Variants in ORC2 observed in about 807,000 individuals in gnomAD.
ORC2 encodes origin recognition complex protein 2 homolog.
ORC2 carries 37 observed loss-of-function variants against 77.7 expected under a neutral mutation model. That is an observed-to-expected ratio of 0.48 (90% confidence interval 0.37 to 0.63). ORC2 has a LOEUF of 0.63. Ranked by LOEUF, ORC2 falls within the 20% of genes least tolerant of loss-of-function variation. The pLI, the probability that ORC2 is intolerant of heterozygous loss-of-function variation, is 0.00. For synonymous variants in ORC2, 201 were observed against 229.5 expected (o/e 0.88, Z 1.12); for missense variants, 557 against 661.9 (o/e 0.84, Z 1.74).
intron 4 of ORC2, among the ~76,000 whole-genome samples, chr2:200,951,343 T>C (rs1022441491): frequency 2.0e-5 from 3 of 152,246 alleles, no homozygotes; most frequent in Non-Finnish European, 4.4e-5. Flanking sequence ...CTGCAGGTTT[T>C]TGTGTGGACA....
chr2:200,954,158 G>A (rs1293131237), intron 4 of ORC2, among the ~76,000 whole-genome samples: 3 of 151,498 alleles, frequency 2.0e-5, no homozygotes, highest in Non-Finnish European at 4.4e-5. Flanking sequence ...TCAGCCTCCC[G>A]AGTAGCTGAG....
At chr2:200,923,877 T>C (rs930438327) in intron 13 of ORC2, among the ~76,000 whole-genome samples, 2 of 152,206 alleles carry the variant, frequency 1.3e-5, no homozygotes, top group Non-Finnish European at 2.9e-5. Flanking sequence ...GCTTAGAATA[T>C]GTACATTGGG....
intron 15 of ORC2, among the ~76,000 whole-genome samples, chr2:200,919,900 T>G (rs1407205478): frequency 6.6e-6 from 1 of 152,178 alleles, no homozygotes; most frequent in Non-Finnish European, 1.5e-5. Context: ...ATCAGAATGT[T>G]CAATATGTAA....
intron 6 of ORC2, among the ~76,000 whole-genome samples, chr2:200,941,714 C>T (rs938065844): frequency 1.3e-5 from 2 of 150,528 alleles, no homozygotes; most frequent in Admixed American, 6.6e-5. Context: ...TGTCCAGGAG[C>T]GGTGGCTCAC....
intron 6 of ORC2, among the ~76,000 whole-genome samples, chr2:200,941,715 G>A (rs16836131): frequency 6.6e-6 from 1 of 152,136 alleles, no homozygotes; most frequent in South Asian, 2.1e-4. Context: ...GTCCAGGAGC[G>A]GTGGCTCACG....
At chr2:200,950,352 AT>A (rs1166591750) in intron 4 of ORC2, among the ~76,000 whole-genome samples, 1 of 152,078 alleles carries the variant, frequency 6.6e-6, no homozygotes, top group Admixed American at 6.6e-5. Context: ...TTCTTCACAG[AT>A]CCTGACTTAA....
intron 1 of ORC2, among the ~76,000 whole-genome samples, chr2:200,961,823 G>C (rs978875521): frequency 6.6e-6 from 1 of 152,152 alleles, no homozygotes. Context: ...TGAATTTTTG[G>C]CTCTGAGCTT....
intron 5 of ORC2, among the ~76,000 whole-genome samples, chr2:200,949,235 C>A: frequency 6.7e-6 from 1 of 148,348 alleles, no homozygotes; most frequent in Non-Finnish European, 1.5e-5. Flanking sequence ...AGTGAGACTC[C>A]ACCTTTAAAA....
chr2:200,925,240 T>C (rs1268366449), intron 13 of ORC2, among the ~76,000 whole-genome samples: 1 of 152,090 alleles, frequency 6.6e-6, no homozygotes, highest in Non-Finnish European at 1.5e-5. Context: ...GGCAGGAGAA[T>C]TGCTTGAACC....
At chr2:200,949,695 G>A in intron 4 of ORC2, 52 bp from the exon 5 acceptor site, 1 of 1,101,384 alleles carries the variant, frequency 9.1e-7, no homozygotes, top group African/African-American at 1.6e-5. Flanking sequence ...AAAATTAACA[G>A]AAAAAAATTT....
chr2:200,953,411 G>GTT (rs774446171), intron 4 of ORC2, among the ~76,000 whole-genome samples: 7 of 121,328 alleles, frequency 5.8e-5, no homozygotes, highest in South Asian at 2.3e-4. Context: ...AAGGGCTACT[G>GTT]TTTTTTTTTT....
chr2:200,945,326 T>G (rs988892484), intron 5 of ORC2, among the ~76,000 whole-genome samples: 5 of 152,072 alleles, frequency 3.3e-5, no homozygotes, highest in African/African-American at 1.2e-4. Flanking sequence ...GAGACCGAGG[T>G]GGGTGGATCA....
At chr2:200,958,643 C>G (rs2041516473) in intron 2 of ORC2, among the ~76,000 whole-genome samples, 1 of 152,214 alleles carries the variant, frequency 6.6e-6, no homozygotes, top group African/African-American at 2.4e-5. Context: ...AAGCACCTCC[C>G]TTTACTTTTA....
In ORC2 at chr2:200,913,412, G is replaced by T; in HGVS notation, c.1530C>A (p.Gly510=). Residue 510 remains glycine, a splice_region_variant and synonymous_variant, in exon 17 of 18, where the codon GGC becomes GGA. Transcript: ENST00000234296. ...GCTGGTAAAAATCTTGAAAAGAAAG[G>T]CCTGGCAAGTTCAAAAGGATATGAA... is the stretch of plus-strand genomic sequence containing the variant. The part of the protein sequence containing the change: ...LDNQDNPSYI[G]LSFQDFYQQC... The T allele has an allele frequency of 6.3e-7, 1 of 1,584,120 alleles. No homozygotes were observed. Among genetic ancestry groups the T allele is most frequent in the South Asian group, 1.1e-5 (1 of 90,420 alleles).
rs1241153490 is a variant in ORC2, at chr2:200,953,405, GCTA to G, written c.239-3765_239-3763del. Reference sequence around the variant, plus strand: ...CCACCGCCTCATATCCATTAAAAGGGCTACTGTTTTTTTTTTTTTTTAAAAAAG... The same window carrying G: ...CCACCGCCTCATATCCATTAAAAGGGCTGTTTTTTTTTTTTTTTAAAAAAG... On this transcript the variant is annotated intron_variant, in intron 4 of 17. Coordinates refer to ENST00000234296, the MANE Select transcript of ORC2 (RefSeq NM_006190.5). 4.8e-5 allele frequency among the ~76,000 whole-genome samples: 7 copies of G among 145,038 alleles called. No homozygotes were observed. In the East Asian group the frequency reaches 7.7e-4, roughly 16 times the overall value.
rs2040517940 is a variant in ORC2, at chr2:200,909,694, ATCT to A, written c.*1604_*1606del. On this transcript the variant is annotated 3_prime_UTR_variant, in exon 18 of 18. Transcript: ENST00000234296. ...CTAGACTGGATGACAGTGCAATTCCATCTAAAAAAAAAAAAAAAAAAAAAAAGA... is the reference window on the plus strand; with the variant it reads ...CTAGACTGGATGACAGTGCAATTCCAAAAAAAAAAAAAAAAAAAAAAAAGA... The A allele has an allele frequency of 7.3e-6, 1 of 137,096 alleles. No individual in the cohort carries two copies. Among genetic ancestry groups the A allele is most frequent in the Admixed American group, 7.5e-5 (1 of 13,356 alleles). The allele number at this position is 137,096 out of a possible 1,614,324, so 8.5% of individuals were successfully genotyped here. A position where few individuals can be genotyped will look rare whatever the true frequency, so the allele number is the denominator to read the frequency against.
rs957250153 is a variant in ORC2 at position 200,909,187 on chromosome 2, A to G, written c.*2114T>C. The G allele has an allele frequency of 6.6e-6, 1 of 152,178 alleles. No individual in the cohort carries two copies. Among genetic ancestry groups the G allele is most frequent in the Non-Finnish European group, 1.5e-5 (1 of 68,034 alleles). The allele number at this position is 152,178 out of a possible 1,614,324, so 9.4% of individuals were successfully genotyped here. A position where few individuals can be genotyped will look rare whatever the true frequency, so the allele number is the denominator to read the frequency against. ...AACCAGCAAGTATGATATATTACCA[A>G]TTGTGTTTTTAAAAGGAGAAAGACA... On this transcript the variant is annotated 3_prime_UTR_variant, in exon 18 of 18. Coordinates refer to ENST00000234296, the MANE Select transcript of ORC2 (RefSeq NM_006190.5).
chr2:200,940,604 C>T (rs1486260008), intron 7 of ORC2, among the ~76,000 whole-genome samples: 2 of 152,034 alleles, frequency 1.3e-5, no homozygotes, highest in African/African-American at 4.8e-5. Context: ...GAGTTCAAGA[C>T]CGGCCTGGCC....
chr2:200,945,544 G>A (rs1184682115), intron 5 of ORC2, among the ~76,000 whole-genome samples: 3 of 151,982 alleles, frequency 2.0e-5, no homozygotes, highest in East Asian at 3.9e-4. Flanking sequence ...GTTCCAGCCG[G>A]GGCAATACAG....
Sources: gnomAD v4.1 joint callset for allele counts (sites outside exome capture counted in the v4.1 genomes callset) on GRCh38, gnomAD v4.1.1 for gene constraint, MANE v1.5 for transcripts, NCBI Gene and HGNC (gene_info 2026-07-23, HGNC 2026-07-21) for gene names.